The following BAIAP2L1 variants were observed in gnomAD, a reference collection of about 807,000 sequenced individuals.
The protein encoded by BAIAP2L1 is BAR/IMD domain-containing adapter protein 2-like 1.
A neutral mutation model predicts 66.3 loss-of-function variants in BAIAP2L1; 35 were observed. That is an observed-to-expected ratio of 0.53 (90% CI 0.40 to 0.70). BAIAP2L1 has a LOEUF of 0.70. BAIAP2L1 is among the 30% of genes least tolerant of loss of function. BAIAP2L1 has a pLI of 0.00. For missense variants in BAIAP2L1, 622 were observed against 656.9 expected (o/e 0.95, Z 0.58); for synonymous variants, 269 against 248.7 (o/e 1.08, Z -0.77).
At chr7:98,357,010 A>AAAAAAT (rs1802139646) in intron 2 of BAIAP2L1, among the ~76,000 whole-genome samples, 1 of 31,820 alleles carries the variant, frequency 3.1e-5, no homozygotes, top group Non-Finnish European at 5.0e-5. Flanking sequence ...AAAAAAAAAA[A>AAAAAAT]AAAAAAAAAA....
chr7:98,393,123 GTATA>G (rs202175511), intron 1 of BAIAP2L1, among the ~76,000 whole-genome samples: 6 of 77,448 alleles, frequency 7.7e-5, no homozygotes, highest in South Asian at 4.4e-4. Flanking sequence ...ACACATATAT[GTATA>G]TATACACACA....
intron 11 of BAIAP2L1, 141 bp from the exon 12 acceptor site, chr7:98,304,517 C>A: frequency 2.4e-6 from 2 of 849,258 alleles, no homozygotes. Flanking sequence ...CACACAGACA[C>A]ACACAGTACA....
At chr7:98,371,187 C>T (rs1399850950) in intron 1 of BAIAP2L1, among the ~76,000 whole-genome samples, 1 of 152,004 alleles carries the variant, frequency 6.6e-6, no homozygotes, top group Non-Finnish European at 1.5e-5. Flanking sequence ...ATAAATGGGC[C>T]AAGCAGCACT....
intron 2 of BAIAP2L1, among the ~76,000 whole-genome samples, chr7:98,361,960 GA>G (rs1306872488): frequency 6.6e-6 from 1 of 151,800 alleles, no homozygotes. Context: ...ACACATCGGG[GA>G]AAAAAAGATG....
rs893745645 is a variant in BAIAP2L1, at chr7:98,293,060, T to G, written c.*461A>C. 1.3e-5 allele frequency: 10 copies of G among 797,206 alleles called. No homozygotes were observed. Among genetic ancestry groups the G allele is most frequent in the Middle Eastern group, 1.1e-3 (2 of 1,770 alleles). The allele number at this position is 797,206 out of a possible 1,614,324, so 49.4% of individuals were successfully genotyped here. ...TCATAATTTATATTGCTTAAAATTA[T>G]GATTTGCATGCTAAGATGCAAACTT... On this transcript the variant is annotated 3_prime_UTR_variant, in exon 14 of 14. Coordinates refer to ENST00000005260, the MANE Select transcript of BAIAP2L1 (RefSeq NM_018842.5).
chr7:98,353,815 A>G (rs746451688), intron 3 of BAIAP2L1, among the ~76,000 whole-genome samples: 1 of 150,100 alleles, frequency 6.7e-6, no homozygotes, highest in Admixed American at 6.7e-5. Context: ...CAAAAAAATT[A>G]GCCAGGCGTG....
At chr7:98,393,065 A>G (rs1300302274) in intron 1 of BAIAP2L1, among the ~76,000 whole-genome samples, 3 of 98,894 alleles carry the variant, frequency 3.0e-5, no homozygotes, top group East Asian at 2.2e-4. Context: ...ATATGTACAC[A>G]TATATGTATA....
At position 98,400,914 on chromosome 7, in the gene BAIAP2L1, T is replaced by G. The variant is rs934486013; in HGVS notation, c.-62A>C. 50 of 1,457,994 alleles carry G rather than the reference T, an allele frequency of 3.4e-5. No homozygotes were observed. The highest frequency in any genetic ancestry group is 8.5e-5 in the East Asian group (3 of 35,378). 90.3% of individuals were successfully genotyped at this position (1,457,994 alleles called of 1,614,324 possible). On this transcript the variant is annotated 5_prime_UTR_variant, in exon 1 of 14. Transcript: ENST00000005260. Reference sequence around the variant, plus strand: ...CGGCTGGGCCTCGTGGCCGCCGGACTCCGGGCAGCGGGAGGGCCGGGGCGC... The same window carrying G: ...CGGCTGGGCCTCGTGGCCGCCGGACGCCGGGCAGCGGGAGGGCCGGGGCGC...
In BAIAP2L1 at chr7:98,400,871, A is replaced by C. The variant is rs1192838464; in HGVS notation, c.-19T>G. ...GGGACATGGCTGCGGCCGCCGGGCGAGCAAGCGCGGGAGGACGCGGCTGGG... is the reference window on the plus strand; with the variant it reads ...GGGACATGGCTGCGGCCGCCGGGCGCGCAAGCGCGGGAGGACGCGGCTGGG... On this transcript the variant is annotated 5_prime_UTR_variant, in exon 1 of 14. Transcript: ENST00000005260. The C allele has an allele frequency of 6.5e-7, 1 of 1,536,118 alleles. No individual in the cohort carries two copies. Among genetic ancestry groups the C allele is most frequent in the Non-Finnish European group, 8.8e-7 (1 of 1,140,508 alleles).
At chr7:98,308,129 C>A in intron 9 of BAIAP2L1, 2 of 652,124 alleles carry the variant, frequency 3.1e-6, no homozygotes, top group South Asian at 3.0e-5. Flanking sequence ...GAAGAGGATC[C>A]CTGCGGCTGC....
chr7:98,301,357 T>A (rs1359376100), intron 12 of BAIAP2L1, among the ~76,000 whole-genome samples: 1 of 152,074 alleles, frequency 6.6e-6, no homozygotes, highest in Admixed American at 6.5e-5. Context: ...ATGATTAGAA[T>A]CCGCATAAGG....
chr7:98,311,968 A>C, intron 8 of BAIAP2L1, 129 bp downstream of exon 8: 1 of 903,740 alleles, frequency 1.1e-6, no homozygotes, highest in South Asian at 1.7e-5. Flanking sequence ...GTAAGGGGAT[A>C]GAGGTGCGAA....
chr7:98,322,326 C>T (rs529203282), intron 3 of BAIAP2L1, among the ~76,000 whole-genome samples: 1 of 152,308 alleles, frequency 6.6e-6, no homozygotes, highest in African/African-American at 2.4e-5. Context: ...CAGGATTCAA[C>T]CCTTGCTGAA....
At chr7:98,338,247 C>A (rs565747358) in intron 3 of BAIAP2L1, among the ~76,000 whole-genome samples, 1 of 151,992 alleles carries the variant, frequency 6.6e-6, no homozygotes, top group East Asian at 1.9e-4. Flanking sequence ...GGTGAAAACC[C>A]GTCTCTACTA....
intron 1 of BAIAP2L1, chr7:98,400,240 G>C (rs566858080): frequency 7.4e-6 from 1 of 135,322 alleles, no homozygotes; most frequent in Non-Finnish European, 1.5e-5. Flanking sequence ...AGCTCTGAGG[G>C]TCAGGGAAGA....
At chr7:98,386,498 A>G in intron 1 of BAIAP2L1, 4 of 1,596,846 alleles carry the variant, frequency 2.5e-6, no homozygotes, top group Non-Finnish European at 3.4e-6. Context: ...CATCATACCA[A>G]TCTTTCTTAG....
At chr7:98,302,752 C>A (rs775419831) in intron 12 of BAIAP2L1, among the ~76,000 whole-genome samples, 1 of 152,164 alleles carries the variant, frequency 6.6e-6, no homozygotes, top group Admixed American at 6.6e-5. Flanking sequence ...ATGTATGGAG[C>A]TGATTTGGAT....
chr7:98,353,530 AAT>A (rs1415880019), intron 3 of BAIAP2L1, among the ~76,000 whole-genome samples: 2 of 134,686 alleles, frequency 1.5e-5, no homozygotes, highest in African/African-American at 5.6e-5. Context: ...TATATTTATA[AAT>A]ATACATATAT....
At chr7:98,351,912 C>G (rs897404326) in intron 3 of BAIAP2L1, among the ~76,000 whole-genome samples, 3 of 152,168 alleles carry the variant, frequency 2.0e-5, no homozygotes, top group African/African-American at 7.2e-5. Context: ...ACAGAATGAA[C>G]GTTTTGAAAT....
Sources: allele counts gnomAD v4.1 joint callset (sites outside exome capture counted in the v4.1 genomes callset), GRCh38; gene constraint gnomAD v4.1.1; transcripts MANE v1.5; gene names NCBI Gene and HGNC (gene_info 2026-07-23, HGNC 2026-07-21).